ITK: variants seen among roughly 807,000 people sequenced by gnomAD.
ITK encodes IL2 inducible T cell kinase.
Under a neutral mutation model 87.6 loss-of-function variants are expected in ITK, and 45 were observed. That is an observed-to-expected ratio of 0.51 (90% CI 0.40 to 0.66). ITK has a LOEUF of 0.66. ITK is among the 30% of genes least tolerant of loss of function. The pLI is 0.00. For synonymous variants in ITK, 303 were observed against 273.6 expected, an observed-to-expected ratio of 1.11 and a Z score of -1.06; for missense variants, 605 against 766.3, an observed-to-expected ratio of 0.79 and a Z score of 2.48.
chr5:157,247,604 C>T (rs1337311204), intron 15 of ITK, among the ~76,000 whole-genome samples: 1 of 152,114 alleles, frequency 6.6e-6, no homozygotes, highest in East Asian at 1.9e-4. Flanking sequence ...TGAAATTAGT[C>T]CCTGTCTAGG....
chr5:157,253,599 T>G lies in ITK; in HGVS notation c.*921T>G, dbSNP rs939694975. 42 of 228,604 alleles carry G rather than the reference T, an allele frequency of 1.8e-4. No homozygotes were observed. Among genetic ancestry groups the G allele is most frequent in the African/African-American group, 6.4e-4 (29 of 45,090 alleles). The allele number at this position is 228,604 out of a possible 1,614,324, so 14.2% of individuals were successfully genotyped here. On this transcript the variant is annotated 3_prime_UTR_variant, in exon 17 of 17. Transcript: ENST00000422843. ...ATTACTTCTGAAAAACATCCTTTTT[T>G]CCAGCCTCTGGGAATCAGCCCCCCC...
At chr5:157,200,324 C>G (rs1053694807) in intron 1 of ITK, among the ~76,000 whole-genome samples, 1 of 152,086 alleles carries the variant, frequency 6.6e-6, no homozygotes, top group African/African-American at 2.4e-5. Context: ...GTGACTTTCG[C>G]CCCAAGTAAT....
At chr5:157,246,907 G>A (rs1755029895) in intron 15 of ITK, among the ~76,000 whole-genome samples, 1 of 152,142 alleles carries the variant, frequency 6.6e-6, no homozygotes, top group Non-Finnish European at 1.5e-5. Flanking sequence ...GGCCATGAAG[G>A]GATGAATGAT....
At chr5:157,188,952 T>G (rs1753698026) in intron 1 of ITK, among the ~76,000 whole-genome samples, 1 of 152,164 alleles carries the variant, frequency 6.6e-6, no homozygotes, top group Non-Finnish European at 1.5e-5. Context: ...AGTATCACCA[T>G]CATCTAAAAC....
chr5:157,252,390 C>A (rs1755158388), intron 16 of ITK, among the ~76,000 whole-genome samples: 2 of 152,172 alleles, frequency 1.3e-5, no homozygotes, highest in African/African-American at 4.8e-5. Flanking sequence ...CTGAATGTCA[C>A]ACAGCTAATT....
rs17595896 is a variant in ITK at position 157,244,427 on chromosome 5, G to T, written c.1398G>T (p.Val466=). The stretch of plus-strand genomic sequence containing the variant: ...CCCTGCTGGGCATGTGTCTGGATGT[G>T]TGTGAGGGCATGGCCTACCTGGAAG... ...AETLLGMCLD[V]CEGMAYLEEA... is the part of the protein sequence containing the mutation. Residue 466 remains valine, a synonymous_variant, in exon 13 of 17, where the codon GTG becomes GTT. Coordinates refer to ENST00000422843, the MANE Select transcript of ITK (RefSeq NM_005546.4). The T allele has an allele frequency of 6.3e-3, 10,151 of 1,614,044 alleles. 127 individuals are homozygous for T. Among genetic ancestry groups the T allele is most frequent in the Middle Eastern group, 0.047 (282 of 6,062 alleles).
intron 3 of ITK, among the ~76,000 whole-genome samples, chr5:157,213,264 C>T (rs1341194656): frequency 6.6e-6 from 1 of 152,192 alleles, no homozygotes; most frequent in African/African-American, 2.4e-5. Flanking sequence ...CACGTATTAT[C>T]ACAAGAACAG....
chr5:157,209,142 T>C, intron 2 of ITK, 149 bp downstream of exon 2: 2 of 694,364 alleles, frequency 2.9e-6, no homozygotes, highest in Non-Finnish European at 5.3e-6. Flanking sequence ...AAGACCAGCC[T>C]GGCCAACATG....
At chr5:157,220,705 T>G (rs1754397052) in intron 5 of ITK, among the ~76,000 whole-genome samples, 1 of 152,232 alleles carries the variant, frequency 6.6e-6, no homozygotes, top group South Asian at 2.1e-4. Flanking sequence ...CCCTTGATTT[T>G]CTCACTCAAA....
At chr5:157,195,497 T>C (rs1300589356) in intron 1 of ITK, 1 of 152,238 alleles carries the variant, frequency 6.6e-6, no homozygotes, top group Non-Finnish European at 1.5e-5. Flanking sequence ...TTTCAGATAA[T>C]GGCCTTTCGC....
intron 1 of ITK, among the ~76,000 whole-genome samples, chr5:157,186,611 G>A (rs1015463487): frequency 5.3e-5 from 8 of 151,990 alleles, no homozygotes; most frequent in African/African-American, 1.7e-4. Context: ...AGGAGGCAGA[G>A]GTTGCAGAGA....
chr5:157,234,968 C>A (rs937343455), intron 8 of ITK, among the ~76,000 whole-genome samples: 7 of 152,130 alleles, frequency 4.6e-5, no homozygotes, highest in African/African-American at 1.7e-4. Context: ...ATTCATTACA[C>A]CTTTTTATGA....
intron 1 of ITK, among the ~76,000 whole-genome samples, chr5:157,200,104 G>GA (rs68138116): frequency 1.3e-5 from 2 of 151,264 alleles, no homozygotes; most frequent in Admixed American, 1.3e-4. Context: ...AAGAAGAAAG[G>GA]AAAGGGGAAA....
chr5:157,248,287 AAAAG>A (rs1451144918), intron 15 of ITK, among the ~76,000 whole-genome samples: 2 of 152,212 alleles, frequency 1.3e-5, no homozygotes, highest in African/African-American at 2.4e-5. Context: ...GCAGAAGAGG[AAAAG>A]AAAGGGATTA....
chr5:157,183,848 A>G (rs569692452), intron 1 of ITK, among the ~76,000 whole-genome samples: 2 of 152,356 alleles, frequency 1.3e-5, no homozygotes, highest in South Asian at 4.1e-4. Context: ...CATATGAAAA[A>G]TAACCCTTCT....
In ITK at chr5:157,245,807, G is replaced by T. The variant is rs537175316; in HGVS notation, c.1514+17G>T. On this transcript the variant is annotated intron_variant, in intron 14 of 16. Coordinates refer to ENST00000422843, the MANE Select transcript of ITK (RefSeq NM_005546.4). ...GATGACAAGGTAAAAGAGGGATGTG[G>T]TGCCGGTGAAGTCTCAGGAATGGGA... The T allele has an allele frequency of 2.5e-5, 41 of 1,613,700 alleles. No individual in the cohort carries two copies. The South Asian group carries it at 4.5e-4, about 18-fold the overall frequency.
chr5:157,222,383 A>C (rs1234064182), intron 5 of ITK, among the ~76,000 whole-genome samples: 2 of 152,158 alleles, frequency 1.3e-5, no homozygotes, highest in East Asian at 1.9e-4. Context: ...GGCCAGGTCC[A>C]TTTCTCCATC....
At chr5:157,221,923 G>A (rs559612112) in intron 5 of ITK, among the ~76,000 whole-genome samples, 46 of 152,166 alleles carry the variant, frequency 3.0e-4, no homozygotes, top group Non-Finnish European at 5.9e-4. Flanking sequence ...GGCCGAGGCA[G>A]GAGGGTCACT....
At chr5:157,202,881 C>T (rs1754003395) in intron 1 of ITK, among the ~76,000 whole-genome samples, 1 of 152,216 alleles carries the variant, frequency 6.6e-6, no homozygotes, top group Non-Finnish European at 1.5e-5. Context: ...TAGAACTTCA[C>T]ATAGAATTTT....
Sources: gnomAD v4.1 joint callset for allele counts (sites outside exome capture counted in the v4.1 genomes callset) on GRCh38, gnomAD v4.1.1 for gene constraint, MANE v1.5 for transcripts, NCBI Gene and HGNC (gene_info 2026-07-23, HGNC 2026-07-21) for gene names.